The following VWA3B variants were observed in gnomAD, a reference collection of about 807,000 sequenced individuals.
The protein encoded by VWA3B is von Willebrand factor A domain containing 3B.
In VWA3B, 138 loss-of-function variants were observed where a neutral mutation model predicts 158.3. The observed-to-expected ratio is 0.87, with a 90% CI of 0.76 to 1.00. The LOEUF is 1.00. Ranked by LOEUF, VWA3B falls within the 50% of genes least tolerant of loss-of-function variation. The probability of loss-of-function intolerance (pLI) is 0.00; values close to 1 mark genes in which losing one functional copy is unlikely to be tolerated. For missense variants in VWA3B, 1,555 were observed against 1,565.1 expected (o/e 0.99, Z 0.11); for synonymous variants, 596 against 587.3 (o/e 1.01, Z -0.21).
intron 13 of VWA3B, among the ~76,000 whole-genome samples, chr2:98,217,148 C>T (rs1031135911): frequency 3.3e-5 from 5 of 152,184 alleles, no homozygotes; most frequent in African/African-American, 1.2e-4. Context: ...CCTCCTGCCC[C>T]CTCCCTGCTG....
intron 7 of VWA3B, among the ~76,000 whole-genome samples, chr2:98,141,795 A>C (rs1407670682): frequency 1.3e-5 from 2 of 152,124 alleles, no homozygotes; most frequent in Admixed American, 6.5e-5. Flanking sequence ...CCAAGTCAGC[A>C]GTGACTTCCA....
intron 7 of VWA3B, among the ~76,000 whole-genome samples, chr2:98,139,025 G>A (rs1676510492): frequency 6.6e-6 from 1 of 152,214 alleles, no homozygotes; most frequent in Non-Finnish European, 1.5e-5. Flanking sequence ...GCGGGAGCCG[G>A]GGCTGCGCGT....
chr2:98,324,839 T>C, the VWA3B span, among the ~76,000 whole-genome samples: 3 of 151,920 alleles, frequency 2.0e-5, no homozygotes, highest in Non-Finnish European at 4.4e-5. Flanking sequence ...AAAGAAAATA[T>C]GCTTATAATA....
chr2:98,215,582 A>G (rs893773713), intron 13 of VWA3B, among the ~76,000 whole-genome samples: 3 of 150,714 alleles, frequency 2.0e-5, no homozygotes, highest in Non-Finnish European at 4.4e-5. Context: ...TAGTGGCGCA[A>G]TCTCGGCTCA....
At position 98,294,296 on chromosome 2, in the gene VWA3B, G is replaced by A. The variant is rs187614785; in HGVS notation, c.3158-3611G>A. 5.8e-4 allele frequency among the ~76,000 whole-genome samples: 86 copies of A among 148,746 alleles called. 1 individual carries two copies. Among genetic ancestry groups the A allele is most frequent in the African/African-American group, 2.1e-3 (83 of 40,382 alleles). ...ATTGGTGACTCCTTTTCTGGTAACTGTTGTTCAAAACCTCCTAAACATTTT... is the reference window on the plus strand; with the variant it reads ...ATTGGTGACTCCTTTTCTGGTAACTATTGTTCAAAACCTCCTAAACATTTT... On this transcript the variant is annotated intron_variant, in intron 23 of 27. Transcript: ENST00000477737.
chr2:98,093,069 T>G lies in VWA3B; in HGVS notation c.-24T>G, dbSNP rs754084005. 1 of 1,608,192 alleles carries G rather than the reference T, an allele frequency of 6.2e-7. No homozygotes were observed. Among genetic ancestry groups the G allele is most frequent in the Non-Finnish European group, 8.5e-7 (1 of 1,175,640 alleles). On this transcript the variant is annotated 5_prime_UTR_variant, in exon 2 of 28. Coordinates refer to ENST00000477737, the MANE Select transcript of VWA3B (RefSeq NM_144992.5). ...TATGATTGCCCTTACAGGAGTTTGC[T>G]GTGACTTAGATCTTGATTCAGAGAT...
chr2:98,320,081 T>C, the VWA3B span, among the ~76,000 whole-genome samples: 1 of 152,186 alleles, frequency 6.6e-6, no homozygotes, highest in Non-Finnish European at 1.5e-5. Flanking sequence ...CCATGTGTCA[T>C]GGGAGGGGCC....
intron 25 of VWA3B, among the ~76,000 whole-genome samples, chr2:98,301,870 T>G (rs2105990519): frequency 6.6e-6 from 1 of 152,316 alleles, no homozygotes; most frequent in South Asian, 2.1e-4. Context: ...ATGGTCAAAT[T>G]TATCCCTCTT....
Position 98,157,118 on chromosome 2 carries a change from C to T in VWA3B, c.989-5733C>T, listed in dbSNP as rs559889336. 6.6e-4 allele frequency among the ~76,000 whole-genome samples: 100 copies of T among 152,250 alleles called. 1 individual carries two copies. Among genetic ancestry groups the T allele is most frequent in the South Asian group, 4.4e-3 (21 of 4,822 alleles). On this transcript the variant is annotated intron_variant, in intron 7 of 27. Coordinates refer to ENST00000477737, the MANE Select transcript of VWA3B (RefSeq NM_144992.5). The stretch of plus-strand genomic sequence containing the variant: ...TTTATAGTGTGCCATTTAGAAGAGA[C>T]GGAGAGGGCCCAGAGGACGGTGCCA...
intron 5 of VWA3B, among the ~76,000 whole-genome samples, chr2:98,127,946 G>A (rs7591591): frequency 0.25 from 37,516 of 151,956 alleles, 5,168 homozygotes; most frequent in African/African-American, 0.38. Flanking sequence ...TAACCACTCC[G>A]AACCTGTGCG....
intron 19 of VWA3B, among the ~76,000 whole-genome samples, chr2:98,244,293 T>C (rs1394785304): frequency 6.6e-6 from 1 of 152,192 alleles, no homozygotes; most frequent in African/African-American, 2.4e-5. Context: ...AATCCTCATT[T>C]TCCTGTATCT....
intron 7 of VWA3B, among the ~76,000 whole-genome samples, chr2:98,144,820 G>A (rs926998222): frequency 2.4e-5 from 2 of 82,814 alleles, no homozygotes; most frequent in East Asian, 2.4e-4. Context: ...ACCCACCTCG[G>A]CCTCCCAAGT....
chr2:98,257,134 A>G (rs1456803187), intron 21 of VWA3B, among the ~76,000 whole-genome samples: 1 of 151,940 alleles, frequency 6.6e-6, no homozygotes. Context: ...TCTGGTAACT[A>G]TGATTCTATT....
chr2:98,257,025 C>T (rs1687198403), intron 21 of VWA3B, among the ~76,000 whole-genome samples: 1 of 152,052 alleles, frequency 6.6e-6, no homozygotes, highest in Admixed American at 6.6e-5. Flanking sequence ...ACTGTGTTGT[C>T]AAGTGTTAGA....
At chr2:98,179,316 A>C (rs1173255740) in intron 8 of VWA3B, 1 of 471,054 alleles carries the variant, frequency 2.1e-6, no homozygotes, top group Non-Finnish European at 4.4e-6. Flanking sequence ...TGTCCCGCTC[A>C]GGTAACATAA....
chr2:98,143,391 T>C (rs1676933036), intron 7 of VWA3B, among the ~76,000 whole-genome samples: 1 of 152,212 alleles, frequency 6.6e-6, no homozygotes, highest in Non-Finnish European at 1.5e-5. Context: ...CTTTTTACTT[T>C]CTAAACTGTA....
intron 7 of VWA3B, among the ~76,000 whole-genome samples, chr2:98,150,278 G>A (rs919093642): frequency 6.6e-6 from 1 of 152,174 alleles, no homozygotes; most frequent in Non-Finnish European, 1.5e-5. Context: ...AGTTTTTTCT[G>A]TGTTTGTTTT....
chr2:98,263,827 C>A (rs1017969631), intron 21 of VWA3B, among the ~76,000 whole-genome samples: 4 of 151,822 alleles, frequency 2.6e-5, no homozygotes, highest in Non-Finnish European at 5.9e-5. Context: ...TTAATTATTT[C>A]ATTGTTTGGC....
chr2:98,185,387 G>A (rs1253123785), intron 9 of VWA3B, among the ~76,000 whole-genome samples: 1 of 152,124 alleles, frequency 6.6e-6, no homozygotes, highest in Non-Finnish European at 1.5e-5. Context: ...CCAACTTTCC[G>A]TCTTTTCTGG....
Sources: gnomAD v4.1 joint callset for allele counts (sites outside exome capture counted in the v4.1 genomes callset) on GRCh38, gnomAD v4.1.1 for gene constraint, MANE v1.5 for transcripts, NCBI Gene and HGNC (gene_info 2026-07-23, HGNC 2026-07-21) for gene names.